The following FNBP1 variants were observed in gnomAD, a reference collection of about 807,000 sequenced individuals.
FNBP1 encodes the protein formin binding protein 1.
In FNBP1, 26 loss-of-function variants were observed where a neutral mutation model predicts 90.6. The observed-to-expected ratio is 0.29, with a 90% confidence interval of 0.21 to 0.40. The LOEUF (loss-of-function observed/expected upper bound fraction) is 0.40. Ranked by LOEUF, FNBP1 falls within the 10% of genes least tolerant of loss-of-function variation. The pLI is 1.00. For missense variants in FNBP1, 635 were observed against 768.0 expected, an observed-to-expected ratio of 0.83 and a Z score of 2.05; for synonymous variants, 260 against 265.2, an observed-to-expected ratio of 0.98 and a Z score of 0.19.
At chr9:130,033,669 A>G (rs1191585962) in intron 1 of FNBP1, among the ~76,000 whole-genome samples, 3 of 148,800 alleles carry the variant, frequency 2.0e-5, no homozygotes, top group African/African-American at 7.5e-5. Context: ...AGACCCCCCC[A>G]CCTCTACAAA....
At chr9:130,017,523 A>T (rs1252321653) in intron 1 of FNBP1, among the ~76,000 whole-genome samples, 1 of 152,156 alleles carries the variant, frequency 6.6e-6, no homozygotes, top group East Asian at 1.9e-4. Flanking sequence ...TAACACACTA[A>T]TATCATGTTT....
chr9:130,033,571 C>T (rs1259643176), intron 1 of FNBP1, among the ~76,000 whole-genome samples: 1 of 152,158 alleles, frequency 6.6e-6, no homozygotes, highest in Non-Finnish European at 1.5e-5. Flanking sequence ...GGCATGGTGG[C>T]TCACGCCTGT....
At chr9:129,979,253 C>A in intron 3 of FNBP1, 65 bp downstream of exon 3, 1 of 907,164 alleles carries the variant, frequency 1.1e-6, no homozygotes, top group Admixed American at 2.2e-5. Flanking sequence ...ATGTATTTCT[C>A]CTTTCCGTGT....
chr9:129,997,915 G>A (rs939583018), intron 1 of FNBP1, among the ~76,000 whole-genome samples: 14 of 151,976 alleles, frequency 9.2e-5, no homozygotes, highest in Non-Finnish European at 2.1e-4. Flanking sequence ...AGCTGGGCGC[G>A]GTGGCTCACA....
intron 2 of FNBP1, among the ~76,000 whole-genome samples, chr9:129,984,172 G>A (rs1158110046): frequency 6.6e-6 from 1 of 151,628 alleles, no homozygotes; most frequent in Admixed American, 6.6e-5. Context: ...AAGATTTCTG[G>A]ATCAAGATGG....
At chr9:129,959,087 A>C (rs530000288) in intron 4 of FNBP1, among the ~76,000 whole-genome samples, 4 of 151,376 alleles carry the variant, frequency 2.6e-5, no homozygotes, top group African/African-American at 9.7e-5. Flanking sequence ...ACTTGGGGGG[A>C]AAAAAAGCAG....
chr9:130,020,982 A>T (rs1048339675), intron 1 of FNBP1, among the ~76,000 whole-genome samples: 6 of 150,412 alleles, frequency 4.0e-5, no homozygotes, highest in Non-Finnish European at 6.0e-5. Flanking sequence ...TCTGATTTTT[A>T]AAAAAACAAA....
intron 2 of FNBP1, among the ~76,000 whole-genome samples, chr9:129,985,517 C>T (rs1206541981): frequency 6.6e-6 from 1 of 152,200 alleles, no homozygotes; most frequent in Non-Finnish European, 1.5e-5. Flanking sequence ...CACTAAACTG[C>T]CCCTATTAAA....
chr9:129,932,204 A>C (rs756307141), intron 6 of FNBP1, among the ~76,000 whole-genome samples: 5 of 135,560 alleles, frequency 3.7e-5, no homozygotes, highest in East Asian at 2.2e-4. Context: ...GAGCCAGACT[A>C]TCTCTCTCAA....
intron 2 of FNBP1, among the ~76,000 whole-genome samples, chr9:129,987,640 C>A (rs1445588335): frequency 2.6e-5 from 4 of 151,814 alleles, no homozygotes; most frequent in Non-Finnish European, 5.9e-5. Context: ...TCCTGAGTAG[C>A]TGGGATGACA....
At chr9:129,919,341 G>T in intron 10 of FNBP1, 1 of 474,790 alleles carries the variant, frequency 2.1e-6, no homozygotes, top group Non-Finnish European at 3.7e-6. Context: ...AAAATCTTTC[G>T]GTCAACTTTG....
chr9:129,961,206 G>A (rs547382164), intron 4 of FNBP1, among the ~76,000 whole-genome samples: 47 of 152,110 alleles, frequency 3.1e-4, no homozygotes, highest in Non-Finnish European at 8.8e-5. Context: ...CCAGCTACTC[G>A]GGAGGCTGAG....
In FNBP1 at chr9:130,042,587, G is replaced by A. The variant is rs948212407; in HGVS notation, c.24+365C>T. On this transcript the variant is annotated intron_variant, in intron 1 of 16. Coordinates refer to ENST00000446176, the MANE Select transcript of FNBP1 (RefSeq NM_015033.3). This position sits in a 1 kb window ranked among gnomAD's most constrained non-coding sequence, Gnocchi z 5.5. ...AGCGCCGCGCAGCCGGGGCCTCCAC[G>A]CCCCCACGCCCGGTCCCGGCCCTCC... Among the ~76,000 whole-genome samples, 13 of 151,512 alleles carry A rather than the reference G, an allele frequency of 8.6e-5. No individual in the cohort carries two copies. The highest frequency in any genetic ancestry group is 3.1e-4 in the African/African-American group (13 of 41,280).
At chr9:129,961,731 C>T (rs2047856205) in intron 4 of FNBP1, among the ~76,000 whole-genome samples, 1 of 151,936 alleles carries the variant, frequency 6.6e-6, no homozygotes, top group African/African-American at 2.4e-5. Context: ...AATACAGGTG[C>T]GACCCACCAC....
At chr9:129,972,535 CTTTTTT>C (rs368848660) in intron 4 of FNBP1, among the ~76,000 whole-genome samples, 2 of 139,906 alleles carry the variant, frequency 1.4e-5, no homozygotes, top group Non-Finnish European at 3.1e-5. Context: ...TTTTCTTTTT[CTTTTTT>C]TTTTTTTTGA....
In FNBP1 at chr9:129,924,018, G is replaced by C; in HGVS notation, c.996C>G (p.Ser332=). ...WPFIKKNKLM[S]LLTSPHQPPP... is the part of the protein sequence containing the mutation. ...GAGGCTGATGGGGGGATGTTAAAAG[G>C]GACATAAGCTACATGTAAGAGATGG... is the stretch of plus-strand genomic sequence containing the variant. Residue 332 remains serine (S), a synonymous_variant, in exon 10 of 17, where the codon TCC becomes TCG. Coordinates refer to ENST00000446176, the MANE Select transcript of FNBP1 (RefSeq NM_015033.3). The C allele has an allele frequency of 6.6e-7, 1 of 1,513,478 alleles. No individual in the cohort carries two copies. Among genetic ancestry groups the C allele is most frequent in the Non-Finnish European group, 8.8e-7 (1 of 1,134,146 alleles). 93.8% of individuals were successfully genotyped at this position (1,513,478 alleles called of 1,614,324 possible). A position where few individuals can be genotyped will look rare whatever the true frequency, so the allele number is the denominator to read the frequency against.
chr9:129,981,244 C>A (rs905003086), intron 2 of FNBP1, among the ~76,000 whole-genome samples: 2 of 152,010 alleles, frequency 1.3e-5, no homozygotes, highest in Non-Finnish European at 2.9e-5. Context: ...TACACCACCA[C>A]GCCCAGATAA....
chr9:129,942,864 G>A (rs965993409), intron 6 of FNBP1, among the ~76,000 whole-genome samples: 1 of 146,448 alleles, frequency 6.8e-6, no homozygotes, highest in Non-Finnish European at 1.5e-5. Flanking sequence ...TTCTGAGATT[G>A]GTTGGGGTGG....
upstream of FNBP1, among the ~76,000 whole-genome samples, chr9:130,043,714 C>T (rs576138748): frequency 6.6e-6 from 1 of 152,314 alleles, no homozygotes; most frequent in African/African-American, 2.4e-5. Context: ...GAGGCAAGCG[C>T]GACGGCCTCG....
Sources: allele counts gnomAD v4.1 joint callset (sites outside exome capture counted in the v4.1 genomes callset), GRCh38; gene constraint gnomAD v4.1.1; non-coding constraint Gnocchi (gnomAD v3.1); transcripts MANE v1.5; gene names NCBI Gene and HGNC (gene_info 2026-07-23, HGNC 2026-07-21).